HUWE1: variants seen among roughly 807,000 people sequenced by gnomAD.
The protein encoded by HUWE1 is E3 ubiquitin-protein ligase HUWE1.
In HUWE1, 18 loss-of-function variants were observed where a neutral mutation model predicts 299.4. That is an observed-to-expected ratio of 0.06 (90% CI 0.04 to 0.09). HUWE1 has a LOEUF of 0.09. Among genes scored for constraint, HUWE1 ranks in the 10% least tolerant of loss-of-function variants. HUWE1 has a pLI of 1.00. For missense variants in HUWE1, 1,832 were observed against 3,462.3 expected (o/e 0.53, Z 11.82); for synonymous variants, 1,317 against 1,286.1 (o/e 1.02, Z -0.51).
At chrX:53,683,584 C>G (rs1201993748) in intron 2 of HUWE1, among the ~76,000 whole-genome samples, 4 of 110,856 alleles carry the variant, frequency 3.6e-5, no homozygotes, top group African/African-American at 1.3e-4. Context: ...GAGGCGTTGA[C>G]CGATCGGTGG....
At chrX:53,566,107 GTA>G (rs1330244219) in intron 49 of HUWE1, among the ~76,000 whole-genome samples, 10 of 46,577 alleles carry the variant, frequency 2.1e-4, no homozygotes, top group African/African-American at 3.8e-4. Context: ...ATGTATGTAT[GTA>G]TGTATGTATG....
intron 2 of HUWE1, among the ~76,000 whole-genome samples, chrX:53,684,616 G>A (rs1006098761): frequency 8.9e-6 from 1 of 112,326 alleles, no homozygotes; most frequent in African/African-American, 3.2e-5. Context: ...ACTCCATTCT[G>A]GAAGCGGAGC....
rs1281216918 is a variant in HUWE1, at chrX:53,559,378, G to T, written c.7891C>A (p.Gln2631Lys). ...DELLDDFFHD[Q>K]STATSQAGTL... ...CCTGCTTGGCTGGTAGCTGTGCTCT[G>T]ATCATGGAAAAAGTCATCCAGCAGC... The change falls in exon 57 of 84, where the codon CAG (glutamine) becomes AAG (lysine). Residue 2631 changes from glutamine (Q) to lysine (K), a missense_variant. Around this residue, in one of 15 missense-constraint regions of HUWE1, gnomAD observed 170 missense variants for 335.8 expected, o/e 0.51. Coordinates refer to ENST00000262854, the MANE Select transcript of HUWE1 (RefSeq NM_031407.7). 8.3e-7 allele frequency: 1 copy of T among 1,209,438 alleles called. No homozygotes were observed. The highest frequency in any genetic ancestry group is 1.1e-6 in the Non-Finnish European group (1 of 894,843).
intron 66 of HUWE1, among the ~76,000 whole-genome samples, chrX:53,549,752 C>A (rs1453543009): frequency 9.2e-6 from 1 of 108,574 alleles, no homozygotes; most frequent in Non-Finnish European, 1.9e-5. Flanking sequence ...AGCCCCCCAC[C>A]CCCACCAGCT....
At chrX:53,620,005 C>T (rs2066042917) in intron 19 of HUWE1, among the ~76,000 whole-genome samples, 1 of 111,729 alleles carries the variant, frequency 9.0e-6, no homozygotes, top group African/African-American at 3.3e-5. Context: ...ACTGGCAAAT[C>T]AATTTTATTG....
intron 7 of HUWE1, among the ~76,000 whole-genome samples, chrX:53,642,619 G>A (rs1557032136): frequency 8.9e-6 from 1 of 112,240 alleles, no homozygotes; most frequent in African/African-American, 3.2e-5. Context: ...TATGAACAAT[G>A]TATGAGGGTT....
At chrX:53,628,282 TA>T (rs1217330869) in intron 15 of HUWE1, among the ~76,000 whole-genome samples, 2 of 110,846 alleles carry the variant, frequency 1.8e-5, no homozygotes, top group Non-Finnish European at 3.8e-5. Context: ...TACACTATGA[TA>T]AAAGTCTCAA....
intron 60 of HUWE1, 166 bp downstream of exon 60, chrX:53,557,216 A>G (rs781874809): frequency 1.1e-5 from 6 of 567,187 alleles, no homozygotes; most frequent in Non-Finnish European, 1.9e-5. Context: ...TAGACTGTAT[A>G]GTTATCTCCA....
intron 35 of HUWE1, 30 bp downstream of exon 35, chrX:53,590,374 G>C: frequency 1.1e-6 from 1 of 932,823 alleles, no homozygotes; most frequent in Non-Finnish European, 1.6e-6. Context: ...CATGTGCCAA[G>C]CCCTTTAGGA....
intron 67 of HUWE1, among the ~76,000 whole-genome samples, chrX:53,548,515 A>C (rs1038332746): frequency 8.9e-6 from 1 of 112,965 alleles, no homozygotes; most frequent in Non-Finnish European, 1.9e-5. Context: ...CGCACTTATA[A>C]AATGGAGATA....
intron 70 of HUWE1, among the ~76,000 whole-genome samples, chrX:53,546,017 C>T (rs1219338869): frequency 9.0e-6 from 1 of 111,303 alleles, no homozygotes; most frequent in East Asian, 2.8e-4. Context: ...CAAAATTACA[C>T]AAAAGCAGAG....
chrX:53,660,263 T>G (rs1557044697), intron 3 of HUWE1, among the ~76,000 whole-genome samples: 1 of 112,113 alleles, frequency 8.9e-6, no homozygotes. Flanking sequence ...GAAACTATGC[T>G]GGTGGCATAA....
intron 69 of HUWE1, 44 bp downstream of exon 69, chrX:53,546,660 C>T: frequency 8.3e-7 from 1 of 1,210,123 alleles, no homozygotes; most frequent in Non-Finnish European, 1.1e-6. Context: ...CCCTGTTTAT[C>T]CTTTCTCCCC....
At position 53,611,921 on chromosome X, in the gene HUWE1, T is replaced by C. The variant is rs142935077; in HGVS notation, c.2261+2613A>G. ...AAAAGTTAATCATTTTATGTGTGTA[T>C]AAGGCATTGGAAAACAAATGAGAGC... On this transcript the variant is annotated intron_variant, in intron 23 of 83. Transcript: ENST00000262854. Among the ~76,000 whole-genome samples the C allele has an allele frequency of 2.5e-4, 28 of 110,308 alleles. No individual in the cohort carries two copies. The East Asian group carries it at 7.6e-3, about 30-fold the overall frequency.
At position 53,634,137 on chromosome X, in the gene HUWE1, G is replaced by A. The variant is rs919061824; in HGVS notation, c.567+99C>T. ...TTAGGTTCCTCAAAGGTCTCGATGT[G>A]AAGGCGTCACTTCATATACCACAAT... On this transcript the variant is annotated intron_variant, in intron 8 of 83. Coordinates refer to ENST00000262854, the MANE Select transcript of HUWE1 (RefSeq NM_031407.7). The A allele has an allele frequency of 9.8e-5, 65 of 662,449 alleles. 1 individual carries two copies. Among genetic ancestry groups the A allele is most frequent in the Non-Finnish European group, 8.8e-5 (35 of 399,838 alleles). 54.6% of individuals were successfully genotyped at this position (662,449 alleles called of 1,213,427 possible).
At chrX:53,610,087 CCTTT>C (rs782802112) in intron 23 of HUWE1, among the ~76,000 whole-genome samples, 3 of 111,496 alleles carry the variant, frequency 2.7e-5, no homozygotes, top group Non-Finnish European at 5.7e-5. Flanking sequence ...AGACCACAAA[CCTTT>C]CTTTAAGTTC....
intron 37 of HUWE1, 125 bp downstream of exon 37, chrX:53,588,256 TG>T: frequency 1.5e-6 from 1 of 648,365 alleles, no homozygotes; most frequent in Non-Finnish European, 2.4e-6. Flanking sequence ...TATCAGAAAC[TG>T]GGCTCATGAA....
At chrX:53,656,361 C>T (rs183332924) in intron 3 of HUWE1, among the ~76,000 whole-genome samples, 13 of 107,571 alleles carry the variant, frequency 1.2e-4, no homozygotes, top group Admixed American at 5.0e-4. Context: ...GGCGACAGAG[C>T]GAGACTCCAT....
At position 53,554,764 on chromosome X, in the gene HUWE1, T is replaced by C. The variant is rs1556932678; in HGVS notation, c.8363A>G (p.Gln2788Arg). 2 of 1,209,987 alleles carry C rather than the reference T, an allele frequency of 1.7e-6. No individual in the cohort carries two copies. The highest frequency in any genetic ancestry group is 2.2e-6 in the Non-Finnish European group (2 of 894,849). ...GCTGCCCCCTTCTCCAGCTGGAGAC[T>C]GCAGCTCCTGAGGAACCTCTCCCAA... The part of the protein sequence containing the change: ...PALGEVPQEL[Q>R]SPAGEGGSST... Residue 2788 changes from glutamine (Q) to arginine (R), a missense_variant, in exon 61 of 84, where the codon CAG becomes CGG. Physicochemically the swap from Gln to Arg is conservative, Grantham distance 43. Coordinates refer to ENST00000262854, the MANE Select transcript of HUWE1 (RefSeq NM_031407.7).
Sources: allele counts gnomAD v4.1 joint callset (sites outside exome capture counted in the v4.1 genomes callset), GRCh38; gene constraint gnomAD v4.1.1; regional missense constraint gnomAD v4.1.1; transcripts MANE v1.5; gene names NCBI Gene and HGNC (gene_info 2026-07-23, HGNC 2026-07-21).